BEND7: variants seen among roughly 807,000 people sequenced by gnomAD.
BEND7 encodes BEN domain containing 7.
In BEND7, 28 loss-of-function variants were observed where a neutral mutation model predicts 50.9. That is an observed-to-expected ratio of 0.55 (90% CI 0.41 to 0.75). The LOEUF (loss-of-function observed/expected upper bound fraction) is 0.75, where lower values mean the gene tolerates loss of function less well. Ranked by LOEUF, BEND7 falls within the 30% of genes least tolerant of loss-of-function variation. The pLI is 0.00. For synonymous variants in BEND7, 170 were observed against 183.9 expected (o/e 0.92, Z 0.61); for missense variants, 477 against 491.3 (o/e 0.97, Z 0.28).
At chr10:13,483,811 G>T (rs919640558) in intron 5 of BEND7, among the ~76,000 whole-genome samples, 1 of 152,176 alleles carries the variant, frequency 6.6e-6, no homozygotes. Flanking sequence ...CATCAGGCAG[G>T]ACTTGGCTGC....
chr10:13,505,965 T>C (rs908643214), intron 2 of BEND7, among the ~76,000 whole-genome samples: 5 of 152,134 alleles, frequency 3.3e-5, no homozygotes, highest in South Asian at 2.1e-4. Context: ...CAGGGAAGAC[T>C]GAAAACGTAT....
chr10:13,477,234 T>A (rs2075516374), intron 6 of BEND7, among the ~76,000 whole-genome samples: 1 of 152,238 alleles, frequency 6.6e-6, no homozygotes, highest in Non-Finnish European at 1.5e-5. Flanking sequence ...TGAGATTTTG[T>A]AAAATTAGCC....
At chr10:13,473,779 G>C (rs950250587) in intron 6 of BEND7, among the ~76,000 whole-genome samples, 11 of 151,652 alleles carry the variant, frequency 7.3e-5, no homozygotes, top group Non-Finnish European at 5.9e-5. Context: ...TTAGACTTGG[G>C]GGTGATACTC....
upstream of BEND7, among the ~76,000 whole-genome samples, chr10:13,529,137 G>A (rs1589099551): frequency 6.9e-6 from 1 of 144,342 alleles, no homozygotes; most frequent in Non-Finnish European, 1.5e-5. Flanking sequence ...CATCCCCGGG[G>A]GCCGCCGCCG....
intron 2 of BEND7, among the ~76,000 whole-genome samples, chr10:13,514,591 G>A (rs972044977): frequency 2.0e-5 from 3 of 152,194 alleles, no homozygotes; most frequent in Admixed American, 2.0e-4. Flanking sequence ...CAGGGAAGTT[G>A]GGTCGGACGT....
At chr10:13,463,036 C>G (rs556078677) in intron 6 of BEND7, among the ~76,000 whole-genome samples, 1 of 152,180 alleles carries the variant, frequency 6.6e-6, no homozygotes. Flanking sequence ...CAACTAAACT[C>G]CACATCATTC....
chr10:13,519,763 G>T (rs979400827), intron 2 of BEND7, among the ~76,000 whole-genome samples: 49 of 152,192 alleles, frequency 3.2e-4, no homozygotes, highest in African/African-American at 1.2e-3. Context: ...GTAAACTGAG[G>T]CGGCTTACAG....
downstream of BEND7, chr10:13,439,502 G>GGAAT (rs770862627): frequency 1.9e-6 from 3 of 1,587,746 alleles, no homozygotes; most frequent in South Asian, 3.4e-5. Flanking sequence ...AAGCACCTGT[G>GGAAT]GAATGAATGA....
chr10:13,480,755 C>A, intron 6 of BEND7, 144 bp downstream of exon 6: 1 of 1,468,318 alleles, frequency 6.8e-7, no homozygotes, highest in Non-Finnish European at 9.0e-7. Context: ...ACAGAGCTCA[C>A]ACCCGAAAGC....
chr10:13,442,754 T>C (rs1835523061), intron 8 of BEND7: 1 of 152,218 alleles, frequency 6.6e-6, no homozygotes, highest in Admixed American at 6.5e-5. Flanking sequence ...TGACGCAACT[T>C]AGGTGAAAGG....
chr10:13,503,101 G>A (rs138138955), intron 2 of BEND7: 623 of 170,866 alleles, frequency 3.6e-3, no homozygotes, highest in Non-Finnish European at 6.0e-3. Flanking sequence ...AAAAGTACAT[G>A]GCTGAAAATA....
rs1262917247 is a variant in BEND7 at position 13,441,229 on chromosome 10, A to G, written c.*514T>C. The G allele has an allele frequency of 1.1e-6, 1 of 915,572 alleles. No homozygotes were observed. Among genetic ancestry groups the G allele is most frequent in the African/African-American group, 1.8e-5 (1 of 55,780 alleles). 56.7% of individuals were successfully genotyped at this position (915,572 alleles called of 1,614,324 possible). On this transcript the variant is annotated 3_prime_UTR_variant, in exon 9 of 9. Coordinates refer to ENST00000466271, the MANE Select transcript of BEND7 (RefSeq NM_001369863.1). ...TTTTTAAAGAACATAGTAATTTTAAAAAATCTAAATATTTACATATTAATA... is the reference window on the plus strand; with the variant it reads ...TTTTTAAAGAACATAGTAATTTTAAGAAATCTAAATATTTACATATTAATA...
At chr10:13,492,238 C>A (rs1453591100) in intron 5 of BEND7, among the ~76,000 whole-genome samples, 1 of 152,086 alleles carries the variant, frequency 6.6e-6, no homozygotes. Flanking sequence ...AAGGTGCGAT[C>A]TTATCTGTAT....
chr10:13,526,648 C>G (rs959284809), intron 1 of BEND7, among the ~76,000 whole-genome samples: 1 of 152,256 alleles, frequency 6.6e-6, no homozygotes, highest in Admixed American at 6.5e-5. Context: ...TCAGTTTACC[C>G]AGAAAATCTC....
At chr10:13,485,461 T>C (rs1239573373) in intron 5 of BEND7, among the ~76,000 whole-genome samples, 3 of 152,052 alleles carry the variant, frequency 2.0e-5, no homozygotes, top group Non-Finnish European at 2.9e-5. Flanking sequence ...CTGGTGGGGA[T>C]TTGGGGGGCT....
intron 6 of BEND7, among the ~76,000 whole-genome samples, chr10:13,476,890 T>C (rs555730653): frequency 3.9e-5 from 6 of 152,326 alleles, no homozygotes; most frequent in African/African-American, 1.4e-4. Context: ...TAAAAACTCT[T>C]TCATCAGCAA....
intron 5 of BEND7, among the ~76,000 whole-genome samples, chr10:13,488,789 A>C (rs1588906044): frequency 6.6e-6 from 1 of 152,168 alleles, no homozygotes; most frequent in East Asian, 1.9e-4. Context: ...GCCCGGCCTA[A>C]ATACTGTATT....
chr10:13,465,697 A>T (rs574766485), intron 6 of BEND7, among the ~76,000 whole-genome samples: 1 of 152,292 alleles, frequency 6.6e-6, no homozygotes, highest in South Asian at 2.1e-4. Flanking sequence ...AAAGTTAGTC[A>T]AGCCACACTT....
rs766281842 is a variant in BEND7, at chr10:13,496,827, T to C, written c.510A>G (p.Ser170=). 10 of 1,613,186 alleles carry C rather than the reference T, an allele frequency of 6.2e-6. No homozygotes were observed. The highest frequency in any genetic ancestry group is 8.5e-6 in the Non-Finnish European group (10 of 1,179,918). The change falls in exon 4 of 9, where the codon TCA becomes TCG. Residue 170 remains serine, a synonymous_variant. Coordinates refer to ENST00000466271, the MANE Select transcript of BEND7 (RefSeq NM_001369863.1). ...GSNCCTCNCQ[S]TLQAILQELK... ...GTTCTTGTAGAATGGCCTGCAACGT[T>C]GACTGGCAGTTACAAGTACAGCAGT...
Sources: allele counts gnomAD v4.1 joint callset (sites outside exome capture counted in the v4.1 genomes callset), GRCh38; gene constraint gnomAD v4.1.1; transcripts MANE v1.5; gene names NCBI Gene and HGNC (gene_info 2026-07-23, HGNC 2026-07-21).